AOPEP: variants seen among roughly 807,000 people sequenced by gnomAD.
AOPEP encodes aminopeptidase O.
Under a neutral mutation model 98.1 loss-of-function variants are expected in AOPEP, and 77 were observed. That is an observed-to-expected ratio of 0.78 (90% CI 0.65 to 0.95). The LOEUF is 0.95. Ranked by LOEUF, AOPEP falls within the 40% of genes least tolerant of loss-of-function variation. The pLI is 0.00. For missense variants in AOPEP, 1,024 were observed against 1,024.7 expected (o/e 1.00, Z 0.01); for synonymous variants, 346 against 365.3 (o/e 0.95, Z 0.60).
At chr9:94,988,856 C>G (rs1040596321) in intron 11 of AOPEP, among the ~76,000 whole-genome samples, 2 of 152,046 alleles carry the variant, frequency 1.3e-5, no homozygotes, top group Non-Finnish European at 2.9e-5. Context: ...TCAACATAAT[C>G]CGTAATTATC....
intron 7 of AOPEP, among the ~76,000 whole-genome samples, chr9:94,949,385 G>A (rs1437729342): frequency 6.6e-6 from 1 of 152,132 alleles, no homozygotes; most frequent in Non-Finnish European, 1.5e-5. Context: ...CAGCCGACCC[G>A]GGACGCTGAG....
rs376356208 is a variant in AOPEP at position 94,745,436 on chromosome 9, C to T, written c.-135-14213C>T. Among the ~76,000 whole-genome samples the T allele has an allele frequency of 5.9e-4, 90 of 152,142 alleles. 2 individuals are homozygous for T. In the South Asian group the frequency reaches 0.017, roughly 28 times the overall value. On this transcript the variant is annotated intron_variant, in intron 1 of 16. Coordinates refer to ENST00000375315, the MANE Select transcript of AOPEP (RefSeq NM_001193329.3). ...GACTACAGGCGCCTGCCACCATGCC[C>T]GGCTAATTTTTTGTATTTTTAGTAG...
chr9:94,946,902 C>A (rs2057693369), intron 7 of AOPEP, among the ~76,000 whole-genome samples: 1 of 150,868 alleles, frequency 6.6e-6, no homozygotes, highest in Non-Finnish European at 1.5e-5. Context: ...TCTGGATCAT[C>A]CAGAAAGGAA....
intron 4 of AOPEP, among the ~76,000 whole-genome samples, chr9:94,799,397 A>G (rs1332332510): frequency 1.3e-4 from 19 of 150,308 alleles, no homozygotes. Context: ...TCCAGACCCC[A>G]TCTCTTAAAA....
intron 14 of AOPEP, among the ~76,000 whole-genome samples, chr9:95,073,187 C>T (rs1043908847): frequency 6.6e-6 from 1 of 152,198 alleles, no homozygotes; most frequent in Non-Finnish European, 1.5e-5. Context: ...CAGGCTCTTG[C>T]TCAGCCATGT....
intron 5 of AOPEP, among the ~76,000 whole-genome samples, chr9:94,849,500 TTCTTTC>T (rs1431589488): frequency 1.1e-3 from 79 of 72,902 alleles, no homozygotes; most frequent in African/African-American, 3.5e-3. Context: ...TTTTCTTTCT[TTCTTTC>T]TTTTTTTTTT....
chr9:94,913,682 C>T (rs895627711), intron 5 of AOPEP, among the ~76,000 whole-genome samples: 3 of 152,142 alleles, frequency 2.0e-5, no homozygotes, highest in Admixed American at 6.5e-5. Flanking sequence ...CTTGAGCAGG[C>T]GAATTTGTTT....
At chr9:94,967,897 A>C in intron 10 of AOPEP, 96 bp downstream of exon 10, 14 of 1,025,964 alleles carry the variant, frequency 1.4e-5, no homozygotes, top group Non-Finnish European at 2.0e-5. Flanking sequence ...TAGAAAGCTC[A>C]GTCTTTCTGT....
chr9:94,773,930 T>C (rs566660390), intron 3 of AOPEP, among the ~76,000 whole-genome samples: 3 of 152,248 alleles, frequency 2.0e-5, no homozygotes, highest in South Asian at 2.1e-4. Flanking sequence ...CACGCCCAGC[T>C]AATTTTTGCA....
intron 14 of AOPEP, among the ~76,000 whole-genome samples, chr9:95,074,791 C>T (rs2134130063): frequency 6.6e-6 from 1 of 152,342 alleles, no homozygotes; most frequent in African/African-American, 2.4e-5. Context: ...TCCGGCAGGT[C>T]AGGAGGCCAG....
At chr9:94,837,633 A>G (rs974440070) in intron 5 of AOPEP, among the ~76,000 whole-genome samples, 1 of 152,252 alleles carries the variant, frequency 6.6e-6, no homozygotes, top group African/African-American at 2.4e-5. Flanking sequence ...GTGATACACT[A>G]TATAAACAGA....
At chr9:94,758,708 T>G (rs557770479) in intron 1 of AOPEP, among the ~76,000 whole-genome samples, 3 of 152,306 alleles carry the variant, frequency 2.0e-5, no homozygotes, top group Admixed American at 2.0e-4. Flanking sequence ...TTGATTTTGG[T>G]AAAAGAATAA....
intron 11 of AOPEP, chr9:95,004,386 G>C: frequency 2.4e-6 from 1 of 421,544 alleles, no homozygotes; most frequent in South Asian, 1.7e-5. Flanking sequence ...TGAGGGCTGC[G>C]GGTCCACACT....
At chr9:94,826,475 A>T (rs1397776199) in intron 5 of AOPEP, among the ~76,000 whole-genome samples, 1 of 151,954 alleles carries the variant, frequency 6.6e-6, no homozygotes, top group Non-Finnish European at 1.5e-5. Flanking sequence ...GGGAGGAGGG[A>T]GTTTGCCTCT....
intron 7 of AOPEP, chr9:94,933,360 C>A: frequency 2.0e-6 from 2 of 985,424 alleles, no homozygotes; most frequent in Middle Eastern, 5.2e-4. Context: ...CAGAAGAAAT[C>A]TGTTGTTTTT....
chr9:94,826,173 G>A (rs911860853), intron 5 of AOPEP, among the ~76,000 whole-genome samples: 4 of 152,216 alleles, frequency 2.6e-5, no homozygotes, highest in Middle Eastern at 3.4e-3. Context: ...CTTGTTCTCC[G>A]AAGACATGAG....
intron 5 of AOPEP, among the ~76,000 whole-genome samples, chr9:94,847,152 A>ACACACACACACTCACT (rs1448564968): frequency 5.0e-5 from 7 of 140,474 alleles, no homozygotes. Context: ...ACACACACAC[A>ACACACACACACTCACT]CTCTCTCTGT....
chr9:94,946,637 T>C (rs2057662669), intron 7 of AOPEP, among the ~76,000 whole-genome samples: 1 of 152,256 alleles, frequency 6.6e-6, no homozygotes, highest in Admixed American at 6.5e-5. Flanking sequence ...TTGCACAGAA[T>C]GCGCCTTGCT....
At chr9:95,139,167 G>C in the AOPEP span, among the ~76,000 whole-genome samples, 1 of 152,280 alleles carries the variant, frequency 6.6e-6, no homozygotes, top group Non-Finnish European at 1.5e-5. Flanking sequence ...CACAGAAAAA[G>C]AACTGCAAAT....
Sources: gnomAD v4.1 joint callset for allele counts (sites outside exome capture counted in the v4.1 genomes callset) on GRCh38, gnomAD v4.1.1 for gene constraint, MANE v1.5 for transcripts, NCBI Gene and HGNC (gene_info 2026-07-23, HGNC 2026-07-21) for gene names.